PCDHGC4: variants seen among roughly 807,000 people sequenced by gnomAD.
The protein encoded by PCDHGC4 is protocadherin gamma-C4.
In PCDHGC4, 15 loss-of-function variants were observed where a neutral mutation model predicts 59.7. The ratio of observed to expected loss-of-function variants is 0.25; its 90% confidence interval spans 0.17 to 0.39. The LOEUF (loss-of-function observed/expected upper bound fraction) is 0.39. Ranked by LOEUF, PCDHGC4 falls within the 10% of genes least tolerant of loss-of-function variation. The probability of loss-of-function intolerance (pLI) is 1.00; values close to 1 mark genes in which losing one functional copy is unlikely to be tolerated. For missense variants in PCDHGC4, 1,016 were observed against 1,189.5 expected, an observed-to-expected ratio of 0.85 and a Z score of 2.15; for synonymous variants, 434 against 481.4, an observed-to-expected ratio of 0.90 and a Z score of 1.29.
intron 1 of PCDHGC4, among the ~76,000 whole-genome samples, chr5:141,492,586 G>C (rs1451055991): frequency 6.6e-6 from 1 of 152,220 alleles, no homozygotes; most frequent in Admixed American, 6.5e-5. Context: ...GGGGCCAGGA[G>C]CGCTGGAGCG....
Position 141,494,855 on chromosome 5 carries a change from G to A in PCDHGC4, c.2491G>A (p.Gly831Ser), listed in dbSNP as rs200418116. The A allele has an allele frequency of 4.8e-4, 774 of 1,614,092 alleles. 7 individuals carry two copies. The South Asian group carries it at 5.1e-3, about 11-fold the overall frequency. ...GCGTTTCTCTCAGGCCCAGAGACCC[G>A]GCACCAGCGGGTAGGTGACTGATTC... is the stretch of plus-strand genomic sequence containing the variant. ...DWRFSQAQRP[G>S]TSGSQNGDDT... Residue 831 changes from glycine (G) to serine (S), a missense_variant, in exon 2 of 4, where the codon GGC becomes AGC. Coordinates refer to ENST00000306593, the MANE Select transcript of PCDHGC4 (RefSeq NM_018928.3).
At chr5:141,497,776 C>A (rs1384125562) in intron 2 of PCDHGC4, among the ~76,000 whole-genome samples, 2 of 152,170 alleles carry the variant, frequency 1.3e-5, no homozygotes. Flanking sequence ...CCGACCTCAA[C>A]TGATCCACCT....
chr5:141,494,234 A>G (rs1299510042), intron 1 of PCDHGC4, among the ~76,000 whole-genome samples: 1 of 152,138 alleles, frequency 6.6e-6, no homozygotes, highest in Non-Finnish European at 1.5e-5. Context: ...CTAAATTAAT[A>G]ATGTATTTAG....
At chr5:141,492,068 G>A in intron 1 of PCDHGC4, 1 of 479,628 alleles carries the variant, frequency 2.1e-6, no homozygotes, top group Non-Finnish European at 3.7e-6. Flanking sequence ...AGCCTCCTAG[G>A]CGCCGGCTCC....
chr5:141,498,009 C>A (rs1160103624), intron 2 of PCDHGC4, among the ~76,000 whole-genome samples: 1 of 152,146 alleles, frequency 6.6e-6, no homozygotes, highest in Non-Finnish European at 1.5e-5. Context: ...TTACAGTGCA[C>A]TGAAGGAGAC....
Position 141,490,013 on chromosome 5 carries a change from G to A in PCDHGC4, c.2442+2398G>A. 6.2e-7 allele frequency: 1 copy of A among 1,614,206 alleles called. No individual in the cohort carries two copies. The highest frequency in any genetic ancestry group is 1.1e-5 in the South Asian group (1 of 91,088). Reference sequence around the variant, plus strand: ...GGAATCCCAGAGAATGCACCCATTGGTACTCTGCTGCTCCGCCTCAATGCC... The same window carrying A: ...GGAATCCCAGAGAATGCACCCATTGATACTCTGCTGCTCCGCCTCAATGCC... On this transcript the variant is annotated intron_variant, in intron 1 of 3. Transcript: ENST00000306593. This position sits in a 1 kb window ranked among gnomAD's most constrained non-coding sequence, Gnocchi z 5.4.
At chr5:141,488,385 G>A (rs917106670) in intron 1 of PCDHGC4, among the ~76,000 whole-genome samples, 11 of 152,164 alleles carry the variant, frequency 7.2e-5, no homozygotes, top group Non-Finnish European at 1.5e-5. Context: ...TCCTGAATTT[G>A]GTGAAACCAT....
rs1301352900 is a variant in PCDHGC4, at chr5:141,491,765, A to T, written c.2443-3042A>T. ...GGCACTGGAGAAGCCGCCCGTCCTC[A>T]TAAGGGATTGAACTTGCATCCACTC... On this transcript the variant is annotated intron_variant, in intron 1 of 3. Transcript: ENST00000306593. The surrounding 1 kb of genome is among the most constrained non-coding windows in gnomAD (Gnocchi z 6.9). 1.3e-6 allele frequency: 2 copies of T among 1,569,228 alleles called. No individual in the cohort carries two copies. Among genetic ancestry groups the T allele is most frequent in the Non-Finnish European group, 1.7e-6 (2 of 1,158,736 alleles).
intron 2 of PCDHGC4, among the ~76,000 whole-genome samples, chr5:141,496,903 A>G (rs990378360): frequency 1.1e-4 from 16 of 150,744 alleles, no homozygotes; most frequent in Non-Finnish European, 2.4e-4. Flanking sequence ...AAAAAAAAAA[A>G]GGCTGGGCAC....
chr5:141,486,760 G>C lies in PCDHGC4; in HGVS notation c.1587G>C (p.Gln529His). ...GATCCTTTGACTATGAGCAAACCCAGACACTGCAGTTTGAGGTGCAGGCCC... is the reference window on the plus strand; with the variant it reads ...GATCCTTTGACTATGAGCAAACCCACACACTGCAGTTTGAGGTGCAGGCCC... Reference protein sequence around the residue: ...ATRSFDYEQTQTLQFEVQARD... With the variant: ...ATRSFDYEQTHTLQFEVQARD... Residue 529 changes from glutamine to histidine, a missense_variant, in exon 1 of 4, where the codon CAG becomes CAC. Physicochemically the swap from Gln to His is conservative, Grantham distance 24. Transcript: ENST00000306593. This position sits in a 1 kb window ranked among gnomAD's most constrained non-coding sequence, Gnocchi z 5.0. 1.2e-6 allele frequency: 2 copies of C among 1,614,240 alleles called. No homozygotes were observed. The highest frequency in any genetic ancestry group is 2.2e-5 in the South Asian group (2 of 91,086).
In PCDHGC4 at chr5:141,499,962, A is replaced by G. The variant is rs147527188; in HGVS notation, c.2501+5097A>G. Among the ~76,000 whole-genome samples the G allele has an allele frequency of 3.7e-3, 563 of 152,178 alleles. 5 individuals are homozygous for G. Among genetic ancestry groups the G allele is most frequent in the Admixed American group, 0.011 (164 of 15,288 alleles). On this transcript the variant is annotated intron_variant, in intron 2 of 3. Coordinates refer to ENST00000306593, the MANE Select transcript of PCDHGC4 (RefSeq NM_018928.3). ...CTCGGCCTCCCAAAATGTTGGGATT[A>G]CAGGTGTGAGCCACCTTGCCCGGCC...
chr5:141,507,862 G>T (rs17286954), intron 3 of PCDHGC4, among the ~76,000 whole-genome samples: 20,426 of 152,154 alleles, frequency 0.13, 1,374 homozygotes, highest in Admixed American at 0.16. Context: ...TTTCACACCC[G>T]CTTCCTAGCC....
At position 141,485,326 on chromosome 5, in the gene PCDHGC4, T is replaced by C. The variant is rs2154580391; in HGVS notation, c.153T>C (p.Asp51=). Residue 51 remains aspartate (D), a synonymous_variant, in exon 1 of 4, where the codon GAT becomes GAC. Coordinates refer to ENST00000306593, the MANE Select transcript of PCDHGC4 (RefSeq NM_018928.3). This position sits in a 1 kb window ranked among gnomAD's most constrained non-coding sequence, Gnocchi z 5.7. ...CTTTTGTAGGGAATGTCGCTCAAGATTTCCTGCTGGATACGGACAGTCTGT... is the reference window on the plus strand; with the variant it reads ...CTTTTGTAGGGAATGTCGCTCAAGACTTCCTGCTGGATACGGACAGTCTGT... ...EGTFVGNVAQ[D]FLLDTDSLSA... is the part of the protein sequence containing the mutation. 1 of 1,614,106 alleles carries C rather than the reference T, an allele frequency of 6.2e-7. No homozygotes were observed. The highest frequency in any genetic ancestry group is 1.7e-5 in the Admixed American group (1 of 60,028).
At chr5:141,494,763 C>T in intron 1 of PCDHGC4, 44 bp from the exon 2 acceptor site, 4 of 1,613,926 alleles carry the variant, frequency 2.5e-6, no homozygotes, top group Admixed American at 1.7e-5. Context: ...GACATTCTAA[C>T]TTCTCACGGG....
chr5:141,495,103 C>T (rs1383918796), intron 2 of PCDHGC4, among the ~76,000 whole-genome samples: 2 of 152,132 alleles, frequency 1.3e-5, no homozygotes, highest in Non-Finnish European at 2.9e-5. Context: ...TCGCCACGAC[C>T]GGCACCTTTT....
chr5:141,510,814 CT>C, intron 3 of PCDHGC4, 132 bp from the exon 4 acceptor site: 1 of 1,544,688 alleles, frequency 6.5e-7, no homozygotes, highest in Non-Finnish European at 8.8e-7. Context: ...TTGGTGACCC[CT>C]ATATTCCCAG....
chr5:141,492,616 G>C (rs976681246), intron 1 of PCDHGC4, among the ~76,000 whole-genome samples: 2 of 152,252 alleles, frequency 1.3e-5, no homozygotes, highest in African/African-American at 4.8e-5. Context: ...CTAAGTGCCG[G>C]GCGGGCAGGA....
Position 141,491,045 on chromosome 5 carries a change from A to G in PCDHGC4, c.2442+3430A>G, listed in dbSNP as rs1452139285. 2 of 1,613,970 alleles carry G rather than the reference A, an allele frequency of 1.2e-6. No individual in the cohort carries two copies. The highest frequency in any genetic ancestry group is 1.1e-5 in the South Asian group (1 of 91,090). On this transcript the variant is annotated intron_variant, in intron 1 of 3. Coordinates refer to ENST00000306593, the MANE Select transcript of PCDHGC4 (RefSeq NM_018928.3). This position sits in a 1 kb window ranked among gnomAD's most constrained non-coding sequence, Gnocchi z 6.9. ...GCCGTGGATGCTGATGCAGGCCACA[A>G]TGCGTGGCTCTCCTACTCACTGTTG...
intron 2 of PCDHGC4, among the ~76,000 whole-genome samples, chr5:141,498,956 AGAGG>A (rs1198207839): frequency 1.1e-4 from 14 of 124,162 alleles, no homozygotes; most frequent in East Asian, 2.7e-4. Context: ...AAAAAGAGAG[AGAGG>A]GAGGGAGGGA....
Sources: gnomAD v4.1 joint callset for allele counts (sites outside exome capture counted in the v4.1 genomes callset) on GRCh38, gnomAD v4.1.1 for gene constraint, Gnocchi (gnomAD v3.1) non-coding constraint, MANE v1.5 for transcripts, NCBI Gene and HGNC (gene_info 2026-07-23, HGNC 2026-07-21) for gene names.